The following CECR2 variants were observed in gnomAD, a reference collection of about 807,000 sequenced individuals.
CECR2 encodes CECR2 histone acetyl-lysine reader.
In CECR2, 30 loss-of-function variants were observed where a neutral mutation model predicts 154.5. That is an observed-to-expected ratio of 0.19 (90% CI 0.15 to 0.26). The LOEUF is 0.26. Ranked by LOEUF, CECR2 falls within the 10% of genes least tolerant of loss-of-function variation. The pLI, the probability that CECR2 is intolerant of heterozygous loss-of-function variation, is 1.00. For missense variants in CECR2, 1,743 were observed against 1,829.3 expected (o/e 0.95, Z 0.86); for synonymous variants, 725 against 683.7 (o/e 1.06, Z -0.94).
Position 17,548,328 on chromosome 22 carries a change from A to G in CECR2, c.3041A>G (p.Asp1014Gly). The G allele has an allele frequency of 6.2e-7, 1 of 1,611,862 alleles. No individual in the cohort carries two copies. Among genetic ancestry groups the G allele is most frequent in the South Asian group, 1.1e-5 (1 of 90,558 alleles). ...ELKSSSSESA[D>G]NCKAMKGKNP... The stretch of plus-strand genomic sequence containing the variant: ...AAAAGCAGCTCCTCCGAATCTGCGG[A>G]CAACTGTAAAGCAATGAAGGGCAAG... Residue 1014 changes from aspartate (D) to glycine (G), a missense_variant, in exon 17 of 19, where the codon GAC becomes GGC. Asp to Gly is a moderately conservative substitution (Grantham distance 94). Around this residue, in one of 4 missense-constraint regions of CECR2, gnomAD observed 1,250 missense variants for 1,192.1 expected, o/e 1.05. Transcript: ENST00000262608.
At chr22:17,501,427 G>C (rs1243735084) in intron 5 of CECR2, among the ~76,000 whole-genome samples, 1 of 151,970 alleles carries the variant, frequency 6.6e-6, no homozygotes. Context: ...TCGTGGTGGC[G>C]GGTGCCTGTA....
At chr22:17,459,805 T>C (rs1365201232) in intron 1 of CECR2, among the ~76,000 whole-genome samples, 1 of 152,252 alleles carries the variant, frequency 6.6e-6, no homozygotes, top group Non-Finnish European at 1.5e-5. Context: ...GCTTTTCACA[T>C]GGGTTTTCCA....
chr22:17,392,794 C>A (rs906016743), intron 1 of CECR2, among the ~76,000 whole-genome samples: 1 of 152,148 alleles, frequency 6.6e-6, no homozygotes, highest in Non-Finnish European at 1.5e-5. Flanking sequence ...GTAGTCCCAG[C>A]ACTTTGGGAG....
intron 8 of CECR2, chr22:17,518,530 G>T: frequency 7.1e-6 from 2 of 281,692 alleles, no homozygotes; most frequent in South Asian, 4.3e-5. Context: ...TCATGCCTTT[G>T]TCAATATGGA....
intron 9 of CECR2, among the ~76,000 whole-genome samples, chr22:17,528,093 G>C (rs2056295312): frequency 6.6e-6 from 1 of 152,186 alleles, no homozygotes; most frequent in South Asian, 2.1e-4. Context: ...ATATTGAAGA[G>C]ATAACTACAC....
At chr22:17,394,595 G>A (rs1214593158) in intron 1 of CECR2, among the ~76,000 whole-genome samples, 1 of 152,088 alleles carries the variant, frequency 6.6e-6, no homozygotes, top group African/African-American at 2.4e-5. Flanking sequence ...TTTGAAATTG[G>A]GAAGTGTGAG....
In CECR2 at chr22:17,549,622, T is replaced by C. The variant is rs1350496620; in HGVS notation, c.4277+58T>C. On this transcript the variant is annotated intron_variant, in intron 17 of 18. Coordinates refer to ENST00000262608, the MANE Select transcript of CECR2 (RefSeq NM_001290047.2). ...AGAGAACAGATGTTTATTTTATGTA[T>C]TTATTTTTGAGACAGAGTCTCACTT... The C allele has an allele frequency of 2.2e-6, 3 of 1,385,224 alleles. No homozygotes were observed. The African/African-American group carries it at 4.4e-5, about 20-fold the overall frequency. 85.8% of individuals were successfully genotyped at this position (1,385,224 alleles called of 1,614,324 possible).
chr22:17,473,817 A>G (rs2055166829), intron 1 of CECR2, among the ~76,000 whole-genome samples: 1 of 152,242 alleles, frequency 6.6e-6, no homozygotes, highest in Non-Finnish European at 1.5e-5. Flanking sequence ...CGTCTTCCAA[A>G]TGCCAGCCGC....
chr22:17,504,379 AAAAT>A (rs2055795858), intron 6 of CECR2, among the ~76,000 whole-genome samples: 2 of 151,948 alleles, frequency 1.3e-5, no homozygotes, highest in South Asian at 4.1e-4. Context: ...TGTCTCAAAA[AAAAT>A]AAAATTAAGT....
intron 1 of CECR2, among the ~76,000 whole-genome samples, chr22:17,446,123 A>G (rs2054658196): frequency 6.6e-6 from 1 of 152,136 alleles, no homozygotes; most frequent in Non-Finnish European, 1.5e-5. Context: ...ACCTAGATGA[A>G]TCAAAATAGC....
intron 5 of CECR2, among the ~76,000 whole-genome samples, chr22:17,501,748 G>A (rs1406712662): frequency 2.0e-5 from 3 of 151,998 alleles, no homozygotes; most frequent in East Asian, 3.9e-4. Flanking sequence ...GATTTCACAC[G>A]TCCTTCGATA....
intron 1 of CECR2, among the ~76,000 whole-genome samples, chr22:17,434,626 C>A (rs371059545): frequency 2.0e-5 from 3 of 151,420 alleles, no homozygotes; most frequent in East Asian, 3.9e-4. Context: ...TAGAACCCCC[C>A]ACTCTTTTTA....
chr22:17,542,982 C>A lies in CECR2; in HGVS notation c.2839C>A (p.Gln947Lys). Residue 947 changes from glutamine to lysine, a missense_variant, in exon 16 of 19, where the codon CAA becomes AAA. Gln to Lys is a moderately conservative substitution (Grantham distance 53). Around this residue, in one of 4 missense-constraint regions of CECR2, gnomAD observed 1,250 missense variants for 1,192.1 expected, o/e 1.05. Transcript: ENST00000262608. ...GAGGGCACCGGAGAACAGTGAAGCA[C>A]AAGAGCCTGAGAATGACCAAGGTAA... ...PGRAPENSEA[Q>K]EPENDQAEPL... The A allele has an allele frequency of 6.2e-7, 1 of 1,609,940 alleles. No individual in the cohort carries two copies. Among genetic ancestry groups the A allele is most frequent in the Non-Finnish European group, 8.5e-7 (1 of 1,177,712 alleles).
At chr22:17,428,798 T>TTTTGTGTGTGTGTGTGTGTGTGTGTG (rs367634017) in intron 1 of CECR2, among the ~76,000 whole-genome samples, 1 of 136,336 alleles carries the variant, frequency 7.3e-6, no homozygotes, top group African/African-American at 2.9e-5. Flanking sequence ...ATGTTTTTAT[T>TTTTGTGTGTGTGTGTGTGTGTGTGTG]TGTGTGTGTG....
chr22:17,520,515 G>C (rs967144238), intron 8 of CECR2, among the ~76,000 whole-genome samples: 1 of 151,982 alleles, frequency 6.6e-6, no homozygotes, highest in Non-Finnish European at 1.5e-5. Flanking sequence ...ATGTTGGTTT[G>C]CTGCACCCAT....
intron 1 of CECR2, chr22:17,477,287 T>C: frequency 1.6e-6 from 1 of 610,026 alleles, no homozygotes. Context: ...AGTTAAGCTC[T>C]TTAATTATGC....
chr22:17,488,090 C>G (rs2055456429), intron 2 of CECR2, among the ~76,000 whole-genome samples: 1 of 152,150 alleles, frequency 6.6e-6, no homozygotes, highest in Admixed American at 6.5e-5. Flanking sequence ...CCATGTTGAC[C>G]AGGCTGGTCT....
rs695634 is a variant in CECR2, at chr22:17,532,700, C to CTTTTTTTTTTTTTTTTTTTTTTTTT, written c.1109-4392_1109-4368dup. ...CCAAGTAGGTATATTCATTATTATT[C>CTTTTTTTTTTTTTTTTTTTTTTTTT]TTTTTTTTTTTTTTTTTTTTTTTTT... On this transcript the variant is annotated intron_variant, in intron 9 of 18. Transcript: ENST00000262608. Among the ~76,000 whole-genome samples, 3 of 35,770 alleles carry CTTTTTTTTTTTTTTTTTTTTTTTTT rather than the reference C, an allele frequency of 8.4e-5. 1 individual carries two copies. Among genetic ancestry groups the CTTTTTTTTTTTTTTTTTTTTTTTTT allele is most frequent in the Non-Finnish European group, 4.7e-5 (1 of 21,414 alleles). The allele number at this position is 35,770 out of a possible 152,430, so 23.5% of individuals were successfully genotyped here.
At chr22:17,451,202 A>G (rs2054763785) in intron 1 of CECR2, among the ~76,000 whole-genome samples, 1 of 152,252 alleles carries the variant, frequency 6.6e-6, no homozygotes, top group Non-Finnish European at 1.5e-5. Flanking sequence ...GCCTAGGGGC[A>G]TAGACTCAAG....
Sources: allele counts gnomAD v4.1 joint callset (sites outside exome capture counted in the v4.1 genomes callset), GRCh38; gene constraint gnomAD v4.1.1; regional missense constraint gnomAD v4.1.1; transcripts MANE v1.5; gene names NCBI Gene and HGNC (gene_info 2026-07-23, HGNC 2026-07-21).